Variants in GRIA4 observed in about 807,000 individuals in gnomAD.
The protein encoded by GRIA4 is glutamate ionotropic receptor AMPA type subunit 4, also known as glutamate receptor 4.
A neutral mutation model predicts 104.0 loss-of-function variants in GRIA4; 34 were observed. The ratio of observed to expected loss-of-function variants is 0.33; its 90% CI spans 0.25 to 0.44. The LOEUF is 0.44. GRIA4 is among the 20% of genes least tolerant of loss of function. GRIA4 has a pLI of 1.00. For missense variants in GRIA4, 750 were observed against 1,096.5 expected, an observed-to-expected ratio of 0.68 and a Z score of 4.46; for synonymous variants, 386 against 381.9, an observed-to-expected ratio of 1.01 and a Z score of -0.13.
At chr11:105,934,063 C>T in intron 14 of GRIA4, 94 bp downstream of exon 14, 3 of 1,046,320 alleles carry the variant, frequency 2.9e-6, no homozygotes, top group Non-Finnish European at 4.2e-6. Flanking sequence ...TGTGTGTGAA[C>T]ATGGTATGTT....
chr11:105,959,879 C>T (rs1043625431), intron 14 of GRIA4, among the ~76,000 whole-genome samples: 1 of 152,156 alleles, frequency 6.6e-6, no homozygotes, highest in African/African-American at 2.4e-5. Flanking sequence ...TTCTGTAGGG[C>T]TGCTGCAGTT....
chr11:105,938,132 C>T (rs1314322820), intron 14 of GRIA4, among the ~76,000 whole-genome samples: 1 of 152,170 alleles, frequency 6.6e-6, no homozygotes. Context: ...AATTATTTTT[C>T]TTCCACTTTA....
intron 14 of GRIA4, among the ~76,000 whole-genome samples, chr11:105,946,358 G>A (rs1341265193): frequency 6.6e-6 from 1 of 152,150 alleles, no homozygotes; most frequent in Non-Finnish European, 1.5e-5. Flanking sequence ...CAAGGCAGGT[G>A]GATTTCTTGA....
intron 15 of GRIA4, among the ~76,000 whole-genome samples, chr11:105,973,616 A>G (rs1858813955): frequency 6.6e-6 from 1 of 152,114 alleles, no homozygotes; most frequent in Non-Finnish European, 1.5e-5. Flanking sequence ...AATAATTTAT[A>G]TATTTTTTAA....
At chr11:105,746,416 C>CT (rs569193538) in intron 3 of GRIA4, among the ~76,000 whole-genome samples, 3,543 of 141,676 alleles carry the variant, frequency 0.025, 127 homozygotes, top group African/African-American at 0.081. Flanking sequence ...TCAGGTTTGG[C>CT]TTTTTTTTTT....
In GRIA4 at chr11:105,969,857, G is replaced by C. The variant is rs141344458; in HGVS notation, c.2295-2057G>C. The stretch of plus-strand genomic sequence containing the variant: ...AGCTACTTTATAGAGCACCTACTCT[G>C]AGTCAGCTACTCTGGAAAATACCAT... On this transcript the variant is annotated intron_variant, in intron 14 of 16. Transcript: ENST00000282499. Among the ~76,000 whole-genome samples the C allele has an allele frequency of 5.0e-3, 758 of 152,228 alleles. 5 individuals are homozygous for C. Among genetic ancestry groups the C allele is most frequent in the African/African-American group, 0.017 (697 of 41,532 alleles).
intron 3 of GRIA4, among the ~76,000 whole-genome samples, chr11:105,657,008 G>C (rs979861854): frequency 4.0e-5 from 6 of 150,858 alleles, no homozygotes; most frequent in Admixed American, 1.3e-4. Context: ...CATATGACCT[G>C]TATATTTATA....
chr11:105,652,358 G>A (rs1478410240), intron 3 of GRIA4, among the ~76,000 whole-genome samples: 1 of 152,132 alleles, frequency 6.6e-6, no homozygotes, highest in Non-Finnish European at 1.5e-5. Context: ...TCCTTCTCAA[G>A]CTTTTTATCT....
In GRIA4 at chr11:105,702,247, C is replaced by A. The variant is rs1233419026; in HGVS notation, c.248-50734C>A. ...TTCCTAGTTGTTGAAGAGAAGCTAT[C>A]TCTATCTACACTTTCAATGATAAAC... On this transcript the variant is annotated intron_variant, in intron 3 of 16. Transcript: ENST00000282499. 3.9e-5 allele frequency among the ~76,000 whole-genome samples: 6 copies of A among 152,086 alleles called. 1 individual carries two copies. The highest frequency in any genetic ancestry group is 7.4e-5 in the Non-Finnish European group (5 of 68,012).
intron 5 of GRIA4, among the ~76,000 whole-genome samples, chr11:105,866,165 T>C (rs933795044): frequency 5.3e-5 from 8 of 152,182 alleles, no homozygotes; most frequent in African/African-American, 1.7e-4. Context: ...ATGGAATCAC[T>C]AACCACCTAT....
chr11:105,718,774 T>A (rs933078254), intron 3 of GRIA4, among the ~76,000 whole-genome samples: 2 of 152,168 alleles, frequency 1.3e-5, no homozygotes, highest in Non-Finnish European at 2.9e-5. Context: ...AATGCACGCA[T>A]GATTTTCCAT....
intron 4 of GRIA4, among the ~76,000 whole-genome samples, chr11:105,804,766 G>A (rs1942874561): frequency 6.6e-6 from 1 of 151,896 alleles, no homozygotes; most frequent in Non-Finnish European, 1.5e-5. Flanking sequence ...TTTTTGGAAT[G>A]GTAGAAAAGC....
chr11:105,743,834 T>C (rs531189787), intron 3 of GRIA4, among the ~76,000 whole-genome samples: 1 of 152,154 alleles, frequency 6.6e-6, no homozygotes, highest in African/African-American at 2.4e-5. Context: ...TCTGTCTTCT[T>C]CTCCTCCCTC....
At chr11:105,835,786 G>A (rs953656495) in intron 4 of GRIA4, among the ~76,000 whole-genome samples, 1 of 151,968 alleles carries the variant, frequency 6.6e-6, no homozygotes, top group African/African-American at 2.4e-5. Context: ...TCATTAAAAT[G>A]GAGAGCTAGA....
At chr11:105,919,252 C>G (rs1310891353) in intron 11 of GRIA4, among the ~76,000 whole-genome samples, 1 of 151,910 alleles carries the variant, frequency 6.6e-6, no homozygotes, top group Non-Finnish European at 1.5e-5. Flanking sequence ...TAATAGTAAT[C>G]TTGTATTTGA....
chr11:105,800,763 C>T (rs368893822), intron 4 of GRIA4, among the ~76,000 whole-genome samples: 210 of 135,848 alleles, frequency 1.5e-3, no homozygotes, highest in African/African-American at 5.6e-3. Flanking sequence ...CACTAATTTA[C>T]TTCTGCTACA....
chr11:105,784,440 C>T (rs1024779589), intron 4 of GRIA4, among the ~76,000 whole-genome samples: 19 of 152,278 alleles, frequency 1.2e-4, no homozygotes, highest in African/African-American at 4.1e-4. Flanking sequence ...CAATATTCAT[C>T]CTTGAAAGGA....
rs182678558 is a variant in GRIA4, at chr11:105,950,436, G to A, written c.2294+16467G>A. ...TCATTTTTACAGTCCTATTTCTTCT[G>A]TGTAAAATCTCCTAATTCATTATAC... On this transcript the variant is annotated intron_variant, in intron 14 of 16. Transcript: ENST00000282499. Among the ~76,000 whole-genome samples the A allele has an allele frequency of 7.8e-4, 119 of 152,202 alleles. 1 individual carries two copies. In the East Asian group the frequency reaches 0.017, roughly 21 times the overall value.
intron 4 of GRIA4, among the ~76,000 whole-genome samples, chr11:105,770,691 C>T (rs1405955957): frequency 6.6e-6 from 1 of 152,010 alleles, no homozygotes; most frequent in Non-Finnish European, 1.5e-5. Flanking sequence ...ATTCTTCTAC[C>T]TATCCCTAGT....
Sources: allele counts gnomAD v4.1 joint callset (sites outside exome capture counted in the v4.1 genomes callset), GRCh38; gene constraint gnomAD v4.1.1; transcripts MANE v1.5; gene names NCBI Gene and HGNC (gene_info 2026-07-23, HGNC 2026-07-21).